The following RABGAP1L variants were observed in gnomAD, a reference collection of about 807,000 sequenced individuals.
The protein encoded by RABGAP1L is rab GTPase-activating protein 1-like.
A neutral mutation model predicts 137.7 loss-of-function variants in RABGAP1L; 63 were observed. The observed-to-expected ratio is 0.46, with a 90% confidence interval of 0.37 to 0.56. The LOEUF is 0.56. RABGAP1L is among the 20% of genes least tolerant of loss of function. The pLI is 0.00. For missense variants in RABGAP1L, 1,095 were observed against 1,244.0 expected, an observed-to-expected ratio of 0.88 and a Z score of 1.80; for synonymous variants, 431 against 433.7, an observed-to-expected ratio of 0.99 and a Z score of 0.08.
In RABGAP1L at chr1:174,726,270, T is replaced by C. The variant is rs549690620; in HGVS notation, c.2169+24014T>C. ...TTTTGGGCTAACATCTCTCTAGCTC[T>C]TCTTATTAGTTAATTTTCAGCAGAT... is the stretch of plus-strand genomic sequence containing the variant. On this transcript the variant is annotated intron_variant, in intron 17 of 25. Coordinates refer to ENST00000681986, the MANE Select transcript of RABGAP1L (RefSeq NM_001366446.1). Among the ~76,000 whole-genome samples the C allele has an allele frequency of 4.6e-5, 7 of 152,194 alleles. No individual in the cohort carries two copies. The East Asian group carries it at 1.4e-3, about 29-fold the overall frequency.
At chr1:174,871,120 A>T (rs1652119753) in intron 19 of RABGAP1L, among the ~76,000 whole-genome samples, 1 of 151,820 alleles carries the variant, frequency 6.6e-6, no homozygotes, top group Non-Finnish European at 1.5e-5. Flanking sequence ...CCCCTTATGC[A>T]CATTATAAGC....
At chr1:174,520,655 A>G (rs904411396) in intron 13 of RABGAP1L, among the ~76,000 whole-genome samples, 1 of 152,154 alleles carries the variant, frequency 6.6e-6, no homozygotes, top group African/African-American at 2.4e-5. Context: ...TCAAAATTAA[A>G]ATGGCGTGTG....
chr1:174,325,899 A>C (rs1275629639), intron 11 of RABGAP1L, among the ~76,000 whole-genome samples: 2 of 152,202 alleles, frequency 1.3e-5, no homozygotes, highest in Non-Finnish European at 2.9e-5. Flanking sequence ...TCTGGACTTG[A>C]GGGCCTGACT....
chr1:174,857,672 A>G (rs1351422082), intron 19 of RABGAP1L, among the ~76,000 whole-genome samples: 1 of 152,158 alleles, frequency 6.6e-6, no homozygotes, highest in Non-Finnish European at 1.5e-5. Context: ...TTTCAATAAT[A>G]TCTACACCAA....
intron 17 of RABGAP1L, among the ~76,000 whole-genome samples, chr1:174,745,929 T>C (rs1683827757): frequency 6.6e-6 from 1 of 152,198 alleles, no homozygotes; most frequent in Non-Finnish European, 1.5e-5. Context: ...GGTAATTTGG[T>C]TTATTGACTT....
intron 19 of RABGAP1L, among the ~76,000 whole-genome samples, chr1:174,954,937 G>A (rs1171417911): frequency 1.3e-5 from 2 of 152,278 alleles, no homozygotes; most frequent in East Asian, 1.9e-4. Flanking sequence ...GGTTTTCTCA[G>A]TGTATGATTA....
intron 13 of RABGAP1L, among the ~76,000 whole-genome samples, chr1:174,401,893 A>AGGCAATGCCTCAGCCATATGTAT (rs1266854667): frequency 6.6e-6 from 1 of 152,164 alleles, no homozygotes; most frequent in African/African-American, 2.4e-5. Flanking sequence ...GTTTAGGCTG[A>AGGCAATGCCTCAGCCATATGTAT]GGCAATGCCA....
At chr1:174,564,223 C>T (rs1244698201) in intron 13 of RABGAP1L, among the ~76,000 whole-genome samples, 2 of 152,084 alleles carry the variant, frequency 1.3e-5, no homozygotes, top group African/African-American at 4.8e-5. Context: ...TTTTGGAAAA[C>T]CACAAACAAG....
chr1:174,195,713 T>C (rs59790226), intron 1 of RABGAP1L, among the ~76,000 whole-genome samples: 1 of 85,250 alleles, frequency 1.2e-5, no homozygotes, highest in Non-Finnish European at 2.4e-5. Flanking sequence ...TCCTTCTTTC[T>C]TTTCTTTCTT....
At chr1:174,967,938 A>T (rs1157713584) in intron 20 of RABGAP1L, among the ~76,000 whole-genome samples, 1 of 151,552 alleles carries the variant, frequency 6.6e-6, no homozygotes, top group Non-Finnish European at 1.5e-5. Context: ...CCAAAAAAAA[A>T]AAAAAAGACA....
chr1:174,987,665 A>G (rs1671711227), intron 24 of RABGAP1L, among the ~76,000 whole-genome samples: 1 of 152,234 alleles, frequency 6.6e-6, no homozygotes, highest in South Asian at 2.1e-4. Flanking sequence ...AGGGCATCAA[A>G]GTAGAAATAG....
intron 19 of RABGAP1L, among the ~76,000 whole-genome samples, chr1:174,843,318 C>T (rs1442239246): frequency 6.8e-6 from 1 of 148,002 alleles, no homozygotes; most frequent in Non-Finnish European, 1.5e-5. Flanking sequence ...TGCTGGTGTG[C>T]TGCACCCACT....
intron 13 of RABGAP1L, among the ~76,000 whole-genome samples, chr1:174,619,049 A>G (rs961650303): frequency 6.6e-6 from 1 of 152,292 alleles, no homozygotes; most frequent in Non-Finnish European, 1.5e-5. Flanking sequence ...AGTGATGGAA[A>G]ATCAAATGAA....
Position 174,976,199 on chromosome 1 carries a change from G to T in RABGAP1L, c.2649+17G>T, listed in dbSNP as rs1212087809. 1.3e-6 allele frequency: 2 copies of T among 1,518,314 alleles called. No individual in the cohort carries two copies. The highest frequency in any genetic ancestry group is 2.5e-5 in the East Asian group (1 of 40,724). The allele number at this position is 1,518,314 out of a possible 1,614,324, so 94.1% of individuals were successfully genotyped here. On this transcript the variant is annotated intron_variant, in intron 22 of 25. Coordinates refer to ENST00000681986, the MANE Select transcript of RABGAP1L (RefSeq NM_001366446.1). ...ACTGCCCAGGTAAAAGGAATAATAT[G>T]TAGGCTTTTCTTTACAAAGGTATGT...
chr1:174,544,524 C>A (rs1665818550), intron 13 of RABGAP1L, among the ~76,000 whole-genome samples: 1 of 152,148 alleles, frequency 6.6e-6, no homozygotes, highest in African/African-American at 2.4e-5. Context: ...TTTTTAGCTT[C>A]TTTGCAATGG....
At chr1:174,619,968 A>G (rs1672285547) in intron 13 of RABGAP1L, among the ~76,000 whole-genome samples, 1 of 152,192 alleles carries the variant, frequency 6.6e-6, no homozygotes, top group Non-Finnish European at 1.5e-5. Flanking sequence ...TGGAAAACAA[A>G]AAAAGGTACG....
chr1:174,607,690 C>T (rs959354751), intron 13 of RABGAP1L, among the ~76,000 whole-genome samples: 1 of 152,198 alleles, frequency 6.6e-6, no homozygotes, highest in Non-Finnish European at 1.5e-5. Context: ...TACAATATCA[C>T]AGCCATGATT....
At position 174,767,349 on chromosome 1, in the gene RABGAP1L, TC is replaced by T. The variant is rs895208974; in HGVS notation, c.2211+14996del. 7.2e-4 allele frequency among the ~76,000 whole-genome samples: 109 copies of T among 152,294 alleles called. 1 individual carries two copies. The highest frequency in any genetic ancestry group is 2.4e-3 in the African/African-American group (101 of 41,564). On this transcript the variant is annotated intron_variant, in intron 18 of 25. Transcript: ENST00000681986. ...TGAGGTTTTTTCACATTTATTTAGG[TC>T]TTATTTAATTTTTTTTGATGATACT...
chr1:174,611,036 C>G (rs1001991911), intron 13 of RABGAP1L, among the ~76,000 whole-genome samples: 10 of 149,958 alleles, frequency 6.7e-5, no homozygotes, highest in African/African-American at 2.5e-4. Context: ...GTTTCTTTTG[C>G]TGTGCAGAAG....
Sources: allele counts gnomAD v4.1 joint callset (sites outside exome capture counted in the v4.1 genomes callset), GRCh38; gene constraint gnomAD v4.1.1; transcripts MANE v1.5; gene names NCBI Gene and HGNC (gene_info 2026-07-23, HGNC 2026-07-21).